Variants in IFT43 observed in about 807,000 individuals in gnomAD.
The protein encoded by IFT43 is intraflagellar transport protein 43 homolog.
IFT43 carries 33 observed loss-of-function variants against 32.3 expected under a neutral mutation model. The observed-to-expected ratio is 1.02, with a 90% CI of 0.77 to 1.37. The LOEUF is 1.37. Among genes scored for constraint, IFT43 ranks in the 40% most tolerant of loss-of-function variants. IFT43 has a pLI of 0.00. For missense variants in IFT43, 274 were observed against 265.9 expected (o/e 1.03, Z -0.21); for synonymous variants, 93 against 98.2 (o/e 0.95, Z 0.31).
intron 2 of IFT43, among the ~76,000 whole-genome samples, chr14:75,999,279 ATATTTTTT>A (rs1159971138): frequency 4.4e-4 from 9 of 20,680 alleles, no homozygotes; most frequent in African/African-American, 1.4e-3. Context: ...ATATGTATAT[ATATTTTTT>A]TTTTTTTTTT....
At chr14:76,002,694 G>A (rs1393106617) in intron 2 of IFT43, among the ~76,000 whole-genome samples, 1 of 152,246 alleles carries the variant, frequency 6.6e-6, no homozygotes, top group African/African-American at 2.4e-5. Flanking sequence ...TGACAGGAAT[G>A]AAGGAGAGAG....
intron 2 of IFT43, among the ~76,000 whole-genome samples, chr14:75,993,972 A>T (rs2035691721): frequency 6.6e-6 from 1 of 152,096 alleles, no homozygotes; most frequent in Non-Finnish European, 1.5e-5. Flanking sequence ...GTTTCAGGGG[A>T]GTTTTTAATG....
intron 2 of IFT43, among the ~76,000 whole-genome samples, chr14:76,012,522 A>G (rs993841421): frequency 6.6e-6 from 1 of 152,144 alleles, no homozygotes; most frequent in Admixed American, 6.5e-5. Flanking sequence ...CCAACTCTTT[A>G]CTCACAGTCA....
intron 2 of IFT43, among the ~76,000 whole-genome samples, chr14:75,989,604 C>G (rs1241353824): frequency 6.6e-6 from 1 of 152,204 alleles, no homozygotes; most frequent in East Asian, 1.9e-4. Context: ...CATCCTCTGC[C>G]AGAAGTTAGC....
chr14:76,075,077 G>A (rs761342110), intron 5 of IFT43, among the ~76,000 whole-genome samples: 3 of 152,202 alleles, frequency 2.0e-5, no homozygotes, highest in African/African-American at 7.2e-5. Flanking sequence ...TCCTCTCTCT[G>A]TCTCCCCATC....
intron 5 of IFT43, among the ~76,000 whole-genome samples, chr14:76,081,917 A>T (rs964978445): frequency 6.6e-6 from 1 of 152,210 alleles, no homozygotes; most frequent in African/African-American, 2.4e-5. Context: ...TGCCAGGCTC[A>T]CTTGTCAGTT....
chr14:76,059,277 C>A, intron 4 of IFT43, 50 bp from the exon 5 acceptor site: 6 of 1,613,428 alleles, frequency 3.7e-6, no homozygotes, highest in Non-Finnish European at 5.1e-6. Flanking sequence ...TGTTCCTTTC[C>A]GTGTTTGAAA....
intron 3 of IFT43, among the ~76,000 whole-genome samples, chr14:76,038,357 A>G (rs373199224): frequency 6.6e-6 from 1 of 152,288 alleles, no homozygotes; most frequent in East Asian, 1.9e-4. Context: ...TTTCACCGTC[A>G]TGCATTTTGC....
At chr14:76,082,579 G>C in intron 6 of IFT43, 38 bp from the exon 7 acceptor site, 1 of 1,613,966 alleles carries the variant, frequency 6.2e-7, no homozygotes, top group Non-Finnish European at 8.5e-7. Flanking sequence ...AACAGGTCCT[G>C]CCTGGGGTTC....
At chr14:75,999,824 G>A (rs1363722059) in intron 2 of IFT43, among the ~76,000 whole-genome samples, 1 of 152,250 alleles carries the variant, frequency 6.6e-6, no homozygotes, top group Non-Finnish European at 1.5e-5. Context: ...AATGTATTGG[G>A]AACATAGGCC....
rs758743807 is a variant in IFT43, at chr14:76,083,221, T to C, written c.445-6T>C. ...CAGCCTGACCTTTTTTTGTTTGCAT[T>C]CACAGGATGGGGAGATCGACCTGAA... On this transcript the variant is annotated splice_region_variant and splice_polypyrimidine_tract_variant and intron_variant, in intron 7 of 8. Coordinates refer to ENST00000314067, the MANE Select transcript of IFT43 (RefSeq NM_001102564.3). The C allele has an allele frequency of 6.2e-7, 1 of 1,614,170 alleles. No homozygotes were observed.
At chr14:76,000,602 A>G (rs193133849) in intron 2 of IFT43, among the ~76,000 whole-genome samples, 9 of 152,166 alleles carry the variant, frequency 5.9e-5, no homozygotes, top group South Asian at 2.1e-4. Context: ...AGGTTCATCT[A>G]TTTACCTTTA....
intron 2 of IFT43, among the ~76,000 whole-genome samples, chr14:76,014,630 C>A (rs1404753724): frequency 5.9e-5 from 9 of 152,104 alleles, no homozygotes. Context: ...CAATCCAGGA[C>A]AAGCCCCACT....
At chr14:76,074,480 G>A (rs1013722976) in intron 5 of IFT43, among the ~76,000 whole-genome samples, 2 of 152,144 alleles carry the variant, frequency 1.3e-5, no homozygotes, top group African/African-American at 2.4e-5. Flanking sequence ...GGCAGGTGAC[G>A]CCAGGGTCCT....
chr14:75,986,904 T>TA (rs1301300610), intron 1 of IFT43, among the ~76,000 whole-genome samples: 1 of 152,186 alleles, frequency 6.6e-6, no homozygotes, highest in African/African-American at 2.4e-5. Flanking sequence ...AACAAATATT[T>TA]ATTGAGCCCC....
chr14:76,071,561 C>T (rs2037320996), intron 5 of IFT43, among the ~76,000 whole-genome samples: 1 of 152,194 alleles, frequency 6.6e-6, no homozygotes, highest in African/African-American at 2.4e-5. Context: ...CCCAACATGA[C>T]ATCACTGATT....
At chr14:76,022,436 A>C in intron 3 of IFT43, 42 bp downstream of exon 3, 11 of 1,156,984 alleles carry the variant, frequency 9.5e-6, no homozygotes, top group Non-Finnish European at 1.4e-5. Flanking sequence ...GGGGGTGCAC[A>C]CGGTTGGGGG....
intron 3 of IFT43, among the ~76,000 whole-genome samples, chr14:76,049,167 G>A (rs1284468603): frequency 6.6e-6 from 1 of 152,190 alleles, no homozygotes; most frequent in African/African-American, 2.4e-5. Flanking sequence ...GTGGCACATG[G>A]TTTCTACTAG....
At chr14:76,053,826 G>A (rs749330077) in intron 3 of IFT43, among the ~76,000 whole-genome samples, 2 of 152,110 alleles carry the variant, frequency 1.3e-5, no homozygotes, top group African/African-American at 4.8e-5. Context: ...ATCTCTAATC[G>A]GATCTGGATT....
Sources: gnomAD v4.1 joint callset for allele counts (sites outside exome capture counted in the v4.1 genomes callset) on GRCh38, gnomAD v4.1.1 for gene constraint, MANE v1.5 for transcripts, NCBI Gene and HGNC (gene_info 2026-07-23, HGNC 2026-07-21) for gene names.